DDC: variants seen among roughly 807,000 people sequenced by gnomAD.
The protein encoded by DDC is dopa decarboxylase, also known as aromatic-L-amino-acid decarboxylase.
DDC carries 43 observed loss-of-function variants against 60.0 expected under a neutral mutation model. The observed-to-expected ratio is 0.72, with a 90% CI of 0.56 to 0.92. The LOEUF (loss-of-function observed/expected upper bound fraction) is 0.92. Ranked by LOEUF, DDC falls within the 40% of genes least tolerant of loss-of-function variation. DDC has a pLI of 0.00. For synonymous variants in DDC, 232 were observed against 234.6 expected (o/e 0.99, Z 0.10); for missense variants, 573 against 620.2 (o/e 0.92, Z 0.81).
Position 50,494,368 on chromosome 7 carries a change from G to A in DDC, c.944+982C>T, listed in dbSNP as rs374169478. Among the ~76,000 whole-genome samples, 13 of 152,182 alleles carry A rather than the reference G, an allele frequency of 8.5e-5. No individual in the cohort carries two copies. In the East Asian group the frequency reaches 1.2e-3, roughly 14 times the overall value. On this transcript the variant is annotated intron_variant, in intron 9 of 14. Transcript: ENST00000444124. ...TAAAAATACAAAAAATTAGCCGGGC[G>A]TGGTAGGCGCCTGTTGTCCCAGCTA...
Position 50,463,372 on chromosome 7 carries a change from G to A in DDC, c.1302C>T (p.His434=). ...LQRINSAKKI[H]LVPCHLRDKF... is the part of the protein sequence containing the mutation. ...TGTCCCTGAGGTGACATGGAACCAA[G>A]TGGATTTTTTTGGCACTGTTTATTC... Residue 434 remains histidine, a synonymous_variant, in exon 14 of 15, where the codon CAC becomes CAT. Transcript: ENST00000444124. 2 of 1,614,212 alleles carry A rather than the reference G, an allele frequency of 1.2e-6. No homozygotes were observed. Among genetic ancestry groups the A allele is most frequent in the Non-Finnish European group, 1.7e-6 (2 of 1,180,040 alleles).
chr7:50,495,309 C>T (rs778718611), intron 9 of DDC, 41 bp downstream of exon 9: 7 of 1,507,810 alleles, frequency 4.6e-6, no homozygotes, highest in Non-Finnish European at 6.5e-6. Flanking sequence ...TTCACTGTCA[C>T]CTCGGACAGG....
chr7:50,537,849 T>C lies in DDC; in HGVS notation c.435+11A>G. On this transcript the variant is annotated intron_variant, in intron 4 of 14. Transcript: ENST00000444124. ...GCATCCCAAAAGTGGCCCTCACAGC[T>C]CCCACCTTACCTGGATCACTCCTCC... is the stretch of plus-strand genomic sequence containing the variant. The C allele has an allele frequency of 6.2e-7, 1 of 1,614,106 alleles. No homozygotes were observed. Among genetic ancestry groups the C allele is most frequent in the Non-Finnish European group, 8.5e-7 (1 of 1,180,012 alleles).
chr7:50,510,320 G>C (rs951211905), intron 6 of DDC, among the ~76,000 whole-genome samples: 1 of 151,882 alleles, frequency 6.6e-6, no homozygotes, highest in Non-Finnish European at 1.5e-5. Context: ...AGCTATTATA[G>C]ATAAGTAAAT....
intron 1 of DDC, among the ~76,000 whole-genome samples, chr7:50,562,593 C>T (rs1263782184): frequency 1.3e-5 from 2 of 152,210 alleles, no homozygotes; most frequent in Non-Finnish European, 2.9e-5. Flanking sequence ...CACTTTCTTG[C>T]CCCTGGCAAT....
chr7:50,496,062 C>A (rs1048810624), intron 8 of DDC, among the ~76,000 whole-genome samples: 1 of 151,640 alleles, frequency 6.6e-6, no homozygotes, highest in Non-Finnish European at 1.5e-5. Flanking sequence ...AACATATCAA[C>A]AATTCTCCTC....
Position 50,469,796 on chromosome 7 carries a change from T to C in DDC, c.1140+277A>G, listed in dbSNP as rs140532649. 1.7e-3 allele frequency among the ~76,000 whole-genome samples: 255 copies of C among 152,170 alleles called. 2 individuals carry two copies. The highest frequency in any genetic ancestry group is 5.9e-3 in the African/African-American group (245 of 41,518). ...GAGTTCAAGATCAGCCTGACCAACA[T>C]GGTGAAACCCAATCTCTACTTAAAA... On this transcript the variant is annotated intron_variant, in intron 12 of 14. Transcript: ENST00000444124.
At chr7:50,512,605 T>C (rs1428694131) in intron 6 of DDC, among the ~76,000 whole-genome samples, 1 of 152,108 alleles carries the variant, frequency 6.6e-6, no homozygotes, top group Non-Finnish European at 1.5e-5. Context: ...AGAGCCAAAG[T>C]GAGAAAAAGG....
intron 1 of DDC, among the ~76,000 whole-genome samples, chr7:50,558,077 AC>A (rs60312959): frequency 0.22 from 31,905 of 148,050 alleles, 4,168 homozygotes; most frequent in African/African-American, 0.36. Flanking sequence ...TTCAGAAATC[AC>A]CCCCCCCCTT....
chr7:50,492,685 TTTTC>T, intron 9 of DDC: 2 of 1,217,612 alleles, frequency 1.6e-6, no homozygotes, highest in Admixed American at 5.1e-5. Context: ...TACAAGGAAA[TTTTC>T]CAAATGGCCT....
intron 9 of DDC, among the ~76,000 whole-genome samples, chr7:50,487,560 T>G (rs2042912516): frequency 6.6e-6 from 1 of 152,158 alleles, no homozygotes; most frequent in South Asian, 2.1e-4. Context: ...TGGCTAGAGT[T>G]CTGAAGTAAA....
intron 6 of DDC, among the ~76,000 whole-genome samples, chr7:50,517,768 T>C: frequency 6.7e-6 from 1 of 149,762 alleles, no homozygotes; most frequent in East Asian, 2.0e-4. Flanking sequence ...CAGTAGCTCT[T>C]CTATACACCA....
At chr7:50,474,818 T>A (rs977191360) in intron 11 of DDC, among the ~76,000 whole-genome samples, 1 of 152,192 alleles carries the variant, frequency 6.6e-6, no homozygotes, top group Non-Finnish European at 1.5e-5. Context: ...TAATGATATC[T>A]AAGCTGGGAA....
At chr7:50,527,935 C>T (rs552338139) in intron 6 of DDC, 368 of 541,040 alleles carry the variant, frequency 6.8e-4, no homozygotes, top group African/African-American at 6.5e-3. Flanking sequence ...CTTGCTCTGT[C>T]ACACAGGCTG....
At chr7:50,560,582 T>C (rs564210671) in intron 1 of DDC, among the ~76,000 whole-genome samples, 22 of 152,238 alleles carry the variant, frequency 1.4e-4, no homozygotes, top group Admixed American at 1.2e-3. Context: ...AATGCAAACC[T>C]GAGTCTGTGG....
intron 6 of DDC, among the ~76,000 whole-genome samples, chr7:50,505,220 T>C (rs539316661): frequency 1.3e-5 from 2 of 152,362 alleles, no homozygotes; most frequent in South Asian, 2.1e-4. Flanking sequence ...TTGTTTTGTG[T>C]TGGGCTGAGC....
intron 9 of DDC, chr7:50,493,102 G>A (rs987164702): frequency 1.0e-5 from 10 of 988,756 alleles, no homozygotes; most frequent in Admixed American, 4.0e-5. Context: ...GTCCCTGACC[G>A]CTTCAGTTTC....
intron 1 of DDC, among the ~76,000 whole-genome samples, chr7:50,564,751 T>C (rs753921911): frequency 1.3e-4 from 20 of 152,152 alleles, no homozygotes; most frequent in Admixed American, 6.5e-5. Context: ...CAAATCACAC[T>C]GCATAGGTAG....
intron 11 of DDC, 25 bp from the exon 12 acceptor site, chr7:50,470,196 A>T (rs751016798): frequency 1.3e-6 from 2 of 1,493,578 alleles, no homozygotes; most frequent in Non-Finnish European, 1.9e-6. Context: ...GAAACAGACC[A>T]TCAGTGAGGA....
Sources: allele counts gnomAD v4.1 joint callset (sites outside exome capture counted in the v4.1 genomes callset), GRCh38; gene constraint gnomAD v4.1.1; transcripts MANE v1.5; gene names NCBI Gene and HGNC (gene_info 2026-07-23, HGNC 2026-07-21).